ZNF385D: variants seen among roughly 807,000 people sequenced by gnomAD.
ZNF385D encodes zinc finger protein 659.
In ZNF385D, 15 loss-of-function variants were observed where a neutral mutation model predicts 35.8. That is an observed-to-expected ratio of 0.42 (90% CI 0.28 to 0.64). The LOEUF is 0.64. Ranked by LOEUF, ZNF385D falls within the 30% of genes least tolerant of loss-of-function variation. ZNF385D has a pLI of 0.23. For missense variants in ZNF385D, 474 were observed against 494.6 expected, an observed-to-expected ratio of 0.96 and a Z score of 0.39; for synonymous variants, 212 against 186.8, an observed-to-expected ratio of 1.13 and a Z score of -1.10.
At chr3:21,744,155 G>A (rs1009656523) in intron 1 of ZNF385D, among the ~76,000 whole-genome samples, 15 of 152,040 alleles carry the variant, frequency 9.9e-5, no homozygotes, top group East Asian at 5.8e-4. Flanking sequence ...AGTCATCTGT[G>A]GCTCAAATTC....
chr3:22,064,643 A>T (rs11709408), intron 3 of ZNF385D, among the ~76,000 whole-genome samples: 1 of 151,988 alleles, frequency 6.6e-6, no homozygotes, highest in Non-Finnish European at 1.5e-5. Context: ...ACAACACCAC[A>T]GATGAACCTG....
intron 3 of ZNF385D, among the ~76,000 whole-genome samples, chr3:21,846,810 T>C (rs141077986): frequency 1.3e-3 from 195 of 152,152 alleles, no homozygotes; most frequent in African/African-American, 4.6e-3. Context: ...GAAGCTAGAA[T>C]CTGGTGTAAA....
chr3:21,611,228 A>G (rs1381396065), intron 2 of ZNF385D, among the ~76,000 whole-genome samples: 1 of 152,226 alleles, frequency 6.6e-6, no homozygotes, highest in Non-Finnish European at 1.5e-5. Flanking sequence ...AGAATACCAG[A>G]AGATGGGGTT....
At chr3:21,696,887 A>G (rs1559527753) in intron 1 of ZNF385D, among the ~76,000 whole-genome samples, 1 of 152,368 alleles carries the variant, frequency 6.6e-6, no homozygotes, top group East Asian at 1.9e-4. Flanking sequence ...AAGGAACCTG[A>G]AGTTAGTATT....
chr3:21,780,621 C>T (rs78256052), intron 3 of ZNF385D, among the ~76,000 whole-genome samples: 21,496 of 152,076 alleles, frequency 0.14, 1,881 homozygotes, highest in Non-Finnish European at 0.18. Flanking sequence ...CAGTAGTTCA[C>T]ATATGGAAGT....
chr3:22,295,720 C>A (rs1002222203), intron 2 of ZNF385D, among the ~76,000 whole-genome samples: 4 of 152,076 alleles, frequency 2.6e-5, no homozygotes, highest in African/African-American at 9.7e-5. Flanking sequence ...ACCTCATAGT[C>A]TGACTTCGGA....
At chr3:22,108,073 A>G (rs1702318730) in intron 3 of ZNF385D, among the ~76,000 whole-genome samples, 1 of 151,784 alleles carries the variant, frequency 6.6e-6, no homozygotes, top group South Asian at 2.1e-4. Flanking sequence ...TACACCCCCA[A>G]ACCTCCAGAA....
chr3:21,815,301 A>G (rs1355285093), intron 3 of ZNF385D, among the ~76,000 whole-genome samples: 1 of 152,210 alleles, frequency 6.6e-6, no homozygotes, highest in East Asian at 1.9e-4. Flanking sequence ...AAACAGATTC[A>G]AAAGCTAGCA....
chr3:22,067,434 A>G (rs1186470424), intron 3 of ZNF385D, among the ~76,000 whole-genome samples: 1 of 152,228 alleles, frequency 6.6e-6, no homozygotes, highest in Non-Finnish European at 1.5e-5. Flanking sequence ...AACAGGTAAC[A>G]GATAATGAAG....
chr3:21,800,003 A>G (rs1462315755), intron 3 of ZNF385D, among the ~76,000 whole-genome samples: 2 of 152,184 alleles, frequency 1.3e-5, no homozygotes, highest in African/African-American at 2.4e-5. Context: ...TTGGTTGAAA[A>G]GACCATTATT....
chr3:21,435,369 CACCTCAGCCTGCTGAGTAGCTGCAACT>C (rs1448993584), intron 5 of ZNF385D, among the ~76,000 whole-genome samples: 3 of 150,170 alleles, frequency 2.0e-5, no homozygotes, highest in Non-Finnish European at 4.4e-5. Flanking sequence ...GAGATCCTCT[CACCTCAGCCTGCTGAGTAGCTGCAACT>C]ACAGGCACAT....
intron 2 of ZNF385D, among the ~76,000 whole-genome samples, chr3:22,172,667 C>A (rs970841953): frequency 1.4e-4 from 22 of 152,050 alleles, no homozygotes; most frequent in African/African-American, 4.1e-4. Context: ...CAGAAGCCAA[C>A]TGAAAAAACT....
At chr3:21,741,228 T>C (rs759131582) in intron 1 of ZNF385D, among the ~76,000 whole-genome samples, 9 of 152,192 alleles carry the variant, frequency 5.9e-5, no homozygotes, top group South Asian at 2.1e-4. Flanking sequence ...TTTGTACTTA[T>C]TGATTTAAAA....
chr3:21,627,246 GGTGTGTGTGTGTGT>G (rs55918045), intron 2 of ZNF385D, among the ~76,000 whole-genome samples: 149 of 139,498 alleles, frequency 1.1e-3, no homozygotes, highest in Non-Finnish European at 2.0e-3. Flanking sequence ...AGAGGTGTAG[GGTGTGTGTGTGTGT>G]GTGTGTGTGT....
chr3:22,100,546 A>C (rs1346309860), intron 3 of ZNF385D, among the ~76,000 whole-genome samples: 1 of 152,130 alleles, frequency 6.6e-6, no homozygotes, highest in Non-Finnish European at 1.5e-5. Flanking sequence ...GACATGGATG[A>C]AATTGGAAAT....
At chr3:22,184,702 C>T (rs1226901650) in intron 2 of ZNF385D, among the ~76,000 whole-genome samples, 6 of 152,126 alleles carry the variant, frequency 3.9e-5, no homozygotes, top group African/African-American at 1.4e-4. Context: ...TGGCAGGTAC[C>T]TATAATCCCA....
At chr3:21,996,505 T>A (rs1040129034) in intron 3 of ZNF385D, among the ~76,000 whole-genome samples, 8 of 152,150 alleles carry the variant, frequency 5.3e-5, no homozygotes, top group Non-Finnish European at 7.4e-5. Context: ...AAGAAATAAA[T>A]GACGGGTGCC....
At chr3:21,762,003 C>T (rs550788303) in intron 3 of ZNF385D, among the ~76,000 whole-genome samples, 8 of 150,008 alleles carry the variant, frequency 5.3e-5, no homozygotes, top group South Asian at 2.1e-4. Context: ...CTCAGCCTCC[C>T]GAGTAGCCGA....
intron 3 of ZNF385D, among the ~76,000 whole-genome samples, chr3:21,917,833 A>G (rs971430879): frequency 2.0e-5 from 3 of 152,142 alleles, no homozygotes; most frequent in Admixed American, 1.3e-4. Flanking sequence ...CACTATATCC[A>G]TTGGTGTATG....
Sources: gnomAD v4.1 joint callset for allele counts (sites outside exome capture counted in the v4.1 genomes callset) on GRCh38, gnomAD v4.1.1 for gene constraint, MANE v1.5 for transcripts, NCBI Gene and HGNC (gene_info 2026-07-23, HGNC 2026-07-21) for gene names.